Variants in HEMK2 observed in about 807,000 individuals in gnomAD.
The protein encoded by HEMK2 is HemK methyltransferase 2, ETF1 glutamine and histone H4 lysine, also known as methyltransferase HEMK2.
the HEMK2 span, among the ~76,000 whole-genome samples, chr21:28,810,625 C>T: frequency 1.3e-5 from 2 of 152,180 alleles, no homozygotes; most frequent in African/African-American, 4.8e-5. Flanking sequence ...AGCATTCCAG[C>T]CCTACAATGT....
At chr21:28,802,755 G>T in the HEMK2 span, among the ~76,000 whole-genome samples, 1 of 151,998 alleles carries the variant, frequency 6.6e-6, no homozygotes. Context: ...AATTAAAAAA[G>T]AAATGAAAAA....
chr21:28,799,285 A>AGAGCT, the HEMK2 span, among the ~76,000 whole-genome samples: 1 of 152,206 alleles, frequency 6.6e-6, no homozygotes, highest in Non-Finnish European at 1.5e-5. Flanking sequence ...ACAAGAGAAG[A>AGAGCT]GAGCTTCTGC....
the HEMK2 span, among the ~76,000 whole-genome samples, chr21:28,625,471 A>G: frequency 6.6e-6 from 1 of 152,324 alleles, no homozygotes; most frequent in Non-Finnish European, 1.5e-5. Context: ...CTGGAATCCC[A>G]GCACTTCGGG....
the HEMK2 span, among the ~76,000 whole-genome samples, chr21:28,766,843 C>T: frequency 9.2e-5 from 14 of 152,050 alleles, no homozygotes; most frequent in East Asian, 2.3e-3. Flanking sequence ...TTTAGGGACT[C>T]AGGGATGAGA....
At chr21:28,884,043 C>T in the HEMK2 span, among the ~76,000 whole-genome samples, 4 of 152,236 alleles carry the variant, frequency 2.6e-5, no homozygotes, top group Admixed American at 2.0e-4. Flanking sequence ...GTCTACACAT[C>T]TGACAAGTCT....
chr21:28,862,392 C>A, the HEMK2 span, among the ~76,000 whole-genome samples: 1 of 121,262 alleles, frequency 8.2e-6, no homozygotes, highest in South Asian at 2.2e-4. Context: ...GTAATCCCAG[C>A]ACTTTGGGAG....
chr21:28,597,932 C>T, the HEMK2 span, among the ~76,000 whole-genome samples: 6 of 152,090 alleles, frequency 3.9e-5, no homozygotes, highest in East Asian at 1.9e-4. Context: ...GAACAGAAAT[C>T]GTCATTTTTG....
the HEMK2 span, among the ~76,000 whole-genome samples, chr21:28,847,852 C>G: frequency 1.3e-5 from 2 of 152,164 alleles, no homozygotes; most frequent in Non-Finnish European, 2.9e-5. Context: ...AGCCAGTTAT[C>G]CCAGCACCAT....
the HEMK2 span, chr21:28,875,232 T>C: frequency 1.3e-5 from 2 of 152,240 alleles, no homozygotes; most frequent in Non-Finnish European, 2.9e-5. Context: ...TGACAGAGTG[T>C]TGCTGTGCAT....
At chr21:28,676,939 G>C in the HEMK2 span, among the ~76,000 whole-genome samples, 1 of 152,292 alleles carries the variant, frequency 6.6e-6, no homozygotes, top group African/African-American at 2.4e-5. Flanking sequence ...GGCCGAATAG[G>C]AACAGCTCCA....
chr21:28,840,342 A>G, the HEMK2 span, among the ~76,000 whole-genome samples: 2 of 152,198 alleles, frequency 1.3e-5, no homozygotes, highest in Non-Finnish European at 2.9e-5. Flanking sequence ...AAGCAAATGC[A>G]ATAAAAACAA....
chr21:28,625,386 AC>A, the HEMK2 span, among the ~76,000 whole-genome samples: 4 of 152,226 alleles, frequency 2.6e-5, no homozygotes, highest in African/African-American at 9.6e-5. Flanking sequence ...GAAGCCTAAC[AC>A]AATCCAGTCT....
chr21:28,883,001 G>A, the HEMK2 span: 2 of 1,599,942 alleles, frequency 1.3e-6, no homozygotes, highest in Admixed American at 1.7e-5. Flanking sequence ...AAAGCCTGAG[G>A]GCCTATCATA....
At chr21:28,800,891 C>A in the HEMK2 span, among the ~76,000 whole-genome samples, 1 of 152,190 alleles carries the variant, frequency 6.6e-6, no homozygotes, top group Non-Finnish European at 1.5e-5. Context: ...AATAAAATGA[C>A]CTGTGGGGCC....
At chr21:28,716,323 C>T in the HEMK2 span, among the ~76,000 whole-genome samples, 6 of 152,078 alleles carry the variant, frequency 3.9e-5, no homozygotes, top group Non-Finnish European at 5.9e-5. Context: ...TGTTTTGTAA[C>T]TCTCCTTGAA....
At chr21:28,626,984 C>A in the HEMK2 span, among the ~76,000 whole-genome samples, 1 of 152,080 alleles carries the variant, frequency 6.6e-6, no homozygotes, top group Non-Finnish European at 1.5e-5. Flanking sequence ...TACAAGCAAT[C>A]CAAATGTACA....
chr21:28,794,446 T>G, the HEMK2 span, among the ~76,000 whole-genome samples: 1 of 152,258 alleles, frequency 6.6e-6, no homozygotes, highest in Non-Finnish European at 1.5e-5. Flanking sequence ...CAGGAATGTT[T>G]ATGAGTTGTT....
chr21:28,612,190 C>T, the HEMK2 span, among the ~76,000 whole-genome samples: 6 of 150,968 alleles, frequency 4.0e-5, no homozygotes, highest in African/African-American at 2.4e-5. Context: ...AAAAAAAAAT[C>T]TAGCTAGCCA....
At chr21:28,610,518 C>T in the HEMK2 span, among the ~76,000 whole-genome samples, 2 of 151,854 alleles carry the variant, frequency 1.3e-5, no homozygotes, top group Non-Finnish European at 2.9e-5. Context: ...ATTCAGGCAA[C>T]AAATAACATG....
Sources: gnomAD v4.1 joint callset for allele counts (sites outside exome capture counted in the v4.1 genomes callset) on GRCh38, gnomAD v4.1.1 for gene constraint, MANE v1.5 for transcripts, NCBI Gene and HGNC (gene_info 2026-07-23, HGNC 2026-07-21) for gene names.